UBE2E2: variants seen among roughly 807,000 people sequenced by gnomAD.
The protein encoded by UBE2E2 is ubiquitin conjugating enzyme E2 E2, also known as ubiquitin-conjugating enzyme E2 E2.
UBE2E2 carries 6 observed loss-of-function variants against 24.7 expected under a neutral mutation model. The observed-to-expected ratio is 0.24, with a 90% CI of 0.13 to 0.48. The LOEUF (loss-of-function observed/expected upper bound fraction) is 0.48. Ranked by LOEUF, UBE2E2 falls within the 20% of genes least tolerant of loss-of-function variation. The pLI is 0.99. For missense variants in UBE2E2, 169 were observed against 245.0 expected, an observed-to-expected ratio of 0.69 and a Z score of 2.07; for synonymous variants, 104 against 83.6, an observed-to-expected ratio of 1.24 and a Z score of -1.33.
chr3:23,498,628 C>T (rs764012591), intron 3 of UBE2E2, among the ~76,000 whole-genome samples: 12 of 152,130 alleles, frequency 7.9e-5, no homozygotes, highest in Non-Finnish European at 1.6e-4. Context: ...AAAGATCTTA[C>T]ACATCTTTTA....
chr3:23,396,346 G>A (rs369215523), intron 3 of UBE2E2, among the ~76,000 whole-genome samples: 1 of 120,298 alleles, frequency 8.3e-6, no homozygotes, highest in Non-Finnish European at 1.8e-5. Context: ...TATATATATA[G>A]CATTTTATTT....
intron 4 of UBE2E2, 36 bp downstream of exon 4, chr3:23,499,776 G>C: frequency 6.2e-7 from 1 of 1,604,332 alleles, no homozygotes; most frequent in South Asian, 1.1e-5. Context: ...TTAGCAATAT[G>C]GATTATATTT....
chr3:23,408,014 T>A (rs1575610286), intron 3 of UBE2E2, among the ~76,000 whole-genome samples: 1 of 152,012 alleles, frequency 6.6e-6, no homozygotes, highest in East Asian at 1.9e-4. Context: ...TATTAAAAAA[T>A]ACAATGTCAC....
chr3:23,213,893 AT>A (rs1696396064), intron 2 of UBE2E2, among the ~76,000 whole-genome samples: 1 of 152,098 alleles, frequency 6.6e-6, no homozygotes, highest in Admixed American at 6.5e-5. Context: ...GATACTTTTC[AT>A]TTTTCCTCAC....
At chr3:23,568,030 C>G (rs1359881905) in intron 5 of UBE2E2, among the ~76,000 whole-genome samples, 1 of 152,212 alleles carries the variant, frequency 6.6e-6, no homozygotes, top group African/African-American at 2.4e-5. Flanking sequence ...CCCACACTTT[C>G]AGTGGACAGT....
At chr3:23,582,904 G>C (rs1204577677) in intron 5 of UBE2E2, among the ~76,000 whole-genome samples, 1 of 125,940 alleles carries the variant, frequency 7.9e-6, no homozygotes, top group Non-Finnish European at 1.7e-5. Context: ...TTGTGTGTTT[G>C]TTTGCTGTGC....
At chr3:23,260,238 T>C (rs546041436) in intron 3 of UBE2E2, among the ~76,000 whole-genome samples, 1 of 152,342 alleles carries the variant, frequency 6.6e-6, no homozygotes, top group African/African-American at 2.4e-5. Flanking sequence ...TATTGTCTAA[T>C]CCATTTATTA....
chr3:23,331,882 A>G (rs2125301589), intron 3 of UBE2E2, among the ~76,000 whole-genome samples: 1 of 152,332 alleles, frequency 6.6e-6, no homozygotes, highest in Admixed American at 6.5e-5. Context: ...ATTTGTGTAT[A>G]CTTGTCTAGT....
chr3:23,222,872 C>A (rs1243463009), intron 3 of UBE2E2, among the ~76,000 whole-genome samples: 1 of 152,156 alleles, frequency 6.6e-6, no homozygotes, highest in Non-Finnish European at 1.5e-5. Context: ...GCATCCTTGC[C>A]AGCATCCGCT....
intron 5 of UBE2E2, among the ~76,000 whole-genome samples, chr3:23,536,758 T>G (rs947553363): frequency 6.6e-6 from 1 of 152,222 alleles, no homozygotes; most frequent in African/African-American, 2.4e-5. Flanking sequence ...ATACTGAGAT[T>G]GACCATTATA....
At position 23,303,670 on chromosome 3, in the gene UBE2E2, C is replaced by A. The variant is rs1444651009; in HGVS notation, c.227+86358C>A. On this transcript the variant is annotated intron_variant, in intron 3 of 5. Transcript: ENST00000396703. Reference sequence around the variant, plus strand: ...TGAGTGAGGGGTGCATTTTCAGTGACAAGTATAACACTTGAAATCTGAAGA... The same window carrying A: ...TGAGTGAGGGGTGCATTTTCAGTGAAAAGTATAACACTTGAAATCTGAAGA... Among the ~76,000 whole-genome samples, 7 of 152,214 alleles carry A rather than the reference C, an allele frequency of 4.6e-5. No homozygotes were observed. The East Asian group carries it at 1.4e-3, about 29-fold the overall frequency.
chr3:23,367,941 A>G (rs1009284479), intron 3 of UBE2E2, among the ~76,000 whole-genome samples: 4 of 152,130 alleles, frequency 2.6e-5, no homozygotes, highest in Non-Finnish European at 5.9e-5. Flanking sequence ...GCTCACAGAA[A>G]TCTTCTGTGT....
At chr3:23,458,120 C>G (rs866508927) in intron 3 of UBE2E2, among the ~76,000 whole-genome samples, 15 of 151,990 alleles carry the variant, frequency 9.9e-5, no homozygotes, top group Admixed American at 9.2e-4. Flanking sequence ...TCTTCATAGG[C>G]TTCATCATTG....
At chr3:23,303,291 A>G (rs1014057791) in intron 3 of UBE2E2, among the ~76,000 whole-genome samples, 7 of 152,128 alleles carry the variant, frequency 4.6e-5, no homozygotes, top group South Asian at 2.1e-4. Context: ...ATTTCATTAT[A>G]TATTACAATG....
chr3:23,478,896 A>ATATTTTTTT (rs1192241310), intron 3 of UBE2E2, among the ~76,000 whole-genome samples: 1 of 120,448 alleles, frequency 8.3e-6, no homozygotes, highest in Admixed American at 1.0e-4. Context: ...ATATATATAT[A>ATATTTTTTT]TTTTTTTTTT....
chr3:23,275,513 G>C (rs1698356733), intron 3 of UBE2E2, among the ~76,000 whole-genome samples: 1 of 152,184 alleles, frequency 6.6e-6, no homozygotes, highest in African/African-American at 2.4e-5. Context: ...GCAATGGGAA[G>C]CCTTTGAAGT....
At chr3:23,304,532 C>T (rs1230399813) in intron 3 of UBE2E2, among the ~76,000 whole-genome samples, 1 of 152,116 alleles carries the variant, frequency 6.6e-6, no homozygotes, top group Non-Finnish European at 1.5e-5. Context: ...TTGCCAGTCT[C>T]TTAATGTCTG....
chr3:23,441,657 TG>T (rs1698308338), intron 3 of UBE2E2, among the ~76,000 whole-genome samples: 1 of 152,202 alleles, frequency 6.6e-6, no homozygotes, highest in South Asian at 2.1e-4. Flanking sequence ...GTCATGTGGT[TG>T]GGGCAGGCCT....
intron 5 of UBE2E2, among the ~76,000 whole-genome samples, chr3:23,551,324 GTATT>G (rs1437245731): frequency 6.6e-6 from 1 of 152,210 alleles, no homozygotes; most frequent in African/African-American, 2.4e-5. Flanking sequence ...ACTTTGGTAA[GTATT>G]CTCAAATTGA....
Sources: allele counts gnomAD v4.1 joint callset (sites outside exome capture counted in the v4.1 genomes callset), GRCh38; gene constraint gnomAD v4.1.1; transcripts MANE v1.5; gene names NCBI Gene and HGNC (gene_info 2026-07-23, HGNC 2026-07-21).